Variants in SIGLEC6 observed in about 807,000 individuals in gnomAD.
SIGLEC6 encodes the protein sialic acid binding Ig like lectin 6, also known as sialic acid-binding Ig-like lectin 6.
A neutral mutation model predicts 41.4 loss-of-function variants in SIGLEC6; 31 were observed. That is an observed-to-expected ratio of 0.75 (90% confidence interval 0.56 to 1.01). The LOEUF is 1.01. SIGLEC6 is among the 50% of genes least tolerant of loss of function. The probability of loss-of-function intolerance (pLI) is 0.00; values close to 1 mark genes in which losing one functional copy is unlikely to be tolerated. For missense variants in SIGLEC6, 555 were observed against 558.6 expected, an observed-to-expected ratio of 0.99 and a Z score of 0.06; for synonymous variants, 217 against 231.0, an observed-to-expected ratio of 0.94 and a Z score of 0.55.
At chr19:51,520,620 C>T (rs548924123) in intron 7 of SIGLEC6, among the ~76,000 whole-genome samples, 1 of 152,150 alleles carries the variant, frequency 6.6e-6, no homozygotes, top group African/African-American at 2.4e-5. Context: ...AAGGAATCCA[C>T]CCACCTTGGC....
Position 51,519,152 on chromosome 19 carries a change from G to A in SIGLEC6, c.*930C>T, listed in dbSNP as rs973329589. On this transcript the variant is annotated 3_prime_UTR_variant, in exon 8 of 8. Transcript: ENST00000425629. ...CTACTAAAAATACAAAAAATTAGCC[G>A]GGTGTGGTGGTGGGTGCCTGTAGTC... Among the ~76,000 whole-genome samples, 2 of 152,002 alleles carry A rather than the reference G, an allele frequency of 1.3e-5. No homozygotes were observed. Among genetic ancestry groups the A allele is most frequent in the East Asian group, 1.9e-4 (1 of 5,158 alleles).
chr19:51,530,280 C>T (rs1980036563), intron 4 of SIGLEC6, among the ~76,000 whole-genome samples, 157 bp downstream of exon 4: 1 of 152,192 alleles, frequency 6.6e-6, no homozygotes, highest in East Asian at 1.9e-4. Flanking sequence ...GTGGCAGCTC[C>T]TGCCGAAGAG....
Position 51,529,800 on chromosome 19 carries a change from T to C in SIGLEC6, c.936A>G (p.Ala312=), listed in dbSNP as rs1979903565. ...CACGGCAGGTGAAATCTCCTTCTTCTGCAGACCCTACTTGAGGCAGCTCCA... is the reference window on the plus strand; with the variant it reads ...CACGGCAGGTGAAATCTCCTTCTTCCGCAGACCCTACTTGAGGCAGCTCCA... The part of the protein sequence containing the change: ...GVLELPQVGS[A]EEGDFTCRAQ... Residue 312 remains alanine, a synonymous_variant, in exon 5 of 8, where the codon GCA becomes GCG. Transcript: ENST00000425629. The C allele has an allele frequency of 6.2e-7, 1 of 1,614,158 alleles. No individual in the cohort carries two copies. Among genetic ancestry groups the C allele is most frequent in the Admixed American group, 1.7e-5 (1 of 60,030 alleles).
intron 4 of SIGLEC6, 90 bp downstream of exon 4, chr19:51,530,347 G>T: frequency 1.7e-6 from 2 of 1,161,358 alleles, no homozygotes; most frequent in Non-Finnish European, 2.5e-6. Flanking sequence ...GTCTATGGAG[G>T]CCTTAGTCCT....
chr19:51,519,296 GAAAAAAAAAA>G lies in SIGLEC6; in HGVS notation c.*776_*785del, dbSNP rs10651662. ...GGAGATACAGCAAGACTCCATCTCA[GAAAAAAAAAA>G]AAAAAAAAAAAGCTAGCCAAAGCCA... On this transcript the variant is annotated 3_prime_UTR_variant, in exon 8 of 8. Transcript: ENST00000425629. Among the ~76,000 whole-genome samples the G allele has an allele frequency of 3.3e-3, 302 of 90,774 alleles. 3 individuals are homozygous for G. The highest frequency in any genetic ancestry group is 0.018 in the South Asian group (37 of 2,044). 59.6% of individuals were successfully genotyped at this position (90,774 alleles called of 152,430 possible). A position where few individuals can be genotyped will look rare whatever the true frequency, so the allele number is the denominator to read the frequency against.
chr19:51,518,403 A>C lies in SIGLEC6; in HGVS notation c.*1679T>G, dbSNP rs2122253856. Among the ~76,000 whole-genome samples the C allele has an allele frequency of 6.6e-6, 1 of 152,218 alleles. No homozygotes were observed. Among genetic ancestry groups the C allele is most frequent in the South Asian group, 2.1e-4 (1 of 4,826 alleles). On this transcript the variant is annotated 3_prime_UTR_variant, in exon 8 of 8. Coordinates refer to ENST00000425629, the MANE Select transcript of SIGLEC6 (RefSeq NM_001245.7). ...TGCCCAGGCTGGAGTGCAGTGATGC[A>C]ATCTCAGCTCACTTCAACCTCCACC...
In SIGLEC6 at chr19:51,530,488, G is replaced by A. The variant is rs2305772; in HGVS notation, c.707-4C>T. ...ATGGCCACTTTCTGTGGAGCATCTG[G>A]GGTGGAAAGAGGTGGCCGCCTCAAC... On this transcript the variant is annotated splice_region_variant and splice_polypyrimidine_tract_variant and intron_variant, in intron 3 of 7. Transcript: ENST00000425629. 0.59 allele frequency: 954,365 copies of A among 1,613,324 alleles called. 284,154 individuals are homozygous for A. Among genetic ancestry groups the A allele is most frequent in the Admixed American group, 0.7 (41,956 of 59,958 alleles).
At position 51,530,833 on chromosome 19, in the gene SIGLEC6, G is replaced by A; in HGVS notation, c.554C>T (p.Ala185Val). The change falls in exon 3 of 8, where the codon GCT becomes GTT. Residue 185 changes from alanine (A) to valine (V), a missense_variant. By Grantham distance (64) the Ala-to-Val change is moderately conservative. Transcript: ENST00000425629. ...GTPPIFSWMS[A>V]APTSLGPRTT... ...CCTGGGGCCCAGGGAGGTGGGGGCAGCTGACATCCAGGAGAAGATGGGGGG... is the reference window on the plus strand; with the variant it reads ...CCTGGGGCCCAGGGAGGTGGGGGCAACTGACATCCAGGAGAAGATGGGGGG... 6.2e-7 allele frequency: 1 copy of A among 1,614,048 alleles called. No homozygotes were observed. Among genetic ancestry groups the A allele is most frequent in the Non-Finnish European group, 8.5e-7 (1 of 1,179,998 alleles).
chr19:51,530,696 G>A lies in SIGLEC6; in HGVS notation c.691C>T (p.Gln231Ter). 6.2e-7 allele frequency: 1 copy of A among 1,613,778 alleles called. No individual in the cohort carries two copies. The highest frequency in any genetic ancestry group is 1.3e-5 in the African/African-American group (1 of 74,970). The change falls in exon 3 of 8, where the codon CAG (glutamine) becomes TAG (stop). Residue 231 changes from glutamine (Q) to a stop codon, truncating the protein, a stop_gained. Coordinates refer to ENST00000425629, the MANE Select transcript of SIGLEC6 (RefSeq NM_001245.7). LOFTEE classifies it high-confidence loss of function. Reference sequence around the variant, plus strand: ...CAGCACTCACAGGAGACATTGAGCTGGATGGTTCTCTCCATGGTCACACCG... The same window carrying A: ...CAGCACTCACAGGAGACATTGAGCTAGATGGTTCTCTCCATGGTCACACCG... Reference protein sequence around the residue: ...GAGVTMERTIQLNVSYAPQKV... With the variant: ...GAGVTMERTI
Position 51,531,566 on chromosome 19 carries a change from C to T in SIGLEC6, c.67+16G>A, listed in dbSNP as rs753134234. Reference sequence around the variant, plus strand: ...CTCGGCCCAGCCCCACGGCACCTCTCCCCTGGCCCACTCACCTGCCCACAG... The same window carrying T: ...CTCGGCCCAGCCCCACGGCACCTCTTCCCTGGCCCACTCACCTGCCCACAG... On this transcript the variant is annotated intron_variant, in intron 1 of 7. Coordinates refer to ENST00000425629, the MANE Select transcript of SIGLEC6 (RefSeq NM_001245.7). The T allele has an allele frequency of 3.7e-6, 6 of 1,613,976 alleles. No homozygotes were observed. The Admixed American group carries it at 5.0e-5, about 13-fold the overall frequency.
At chr19:51,523,824 T>A (rs1568546510) in intron 7 of SIGLEC6, among the ~76,000 whole-genome samples, 1 of 152,098 alleles carries the variant, frequency 6.6e-6, no homozygotes, top group Non-Finnish European at 1.5e-5. Context: ...ATGGAGACCA[T>A]CCTGGCTAAC....
intron 7 of SIGLEC6, among the ~76,000 whole-genome samples, chr19:51,522,912 T>C (rs1184290364): frequency 2.7e-5 from 4 of 149,646 alleles, no homozygotes; most frequent in Admixed American, 2.7e-4. Context: ...GAGGCAGGAG[T>C]ACTGCTTGAG....
intron 7 of SIGLEC6, among the ~76,000 whole-genome samples, chr19:51,522,092 C>T (rs1978372030): frequency 6.6e-6 from 1 of 152,204 alleles, no homozygotes; most frequent in Admixed American, 6.5e-5. Flanking sequence ...GCATAGAGGT[C>T]CCCTTGAATC....
rs575120026 is a variant in SIGLEC6, at chr19:51,518,102, G to A, written c.*1980C>T. 1.3e-5 allele frequency among the ~76,000 whole-genome samples: 2 copies of A among 152,142 alleles called. No individual in the cohort carries two copies. The highest frequency in any genetic ancestry group is 3.9e-4 in the East Asian group (2 of 5,178). On this transcript the variant is annotated 3_prime_UTR_variant, in exon 8 of 8. Coordinates refer to ENST00000425629, the MANE Select transcript of SIGLEC6 (RefSeq NM_001245.7). ...CACTTTCCTAATACCTGAATTATAT[G>A]TTTTAGAATTTATTTGAGAAATCTT...
intron 7 of SIGLEC6, among the ~76,000 whole-genome samples, chr19:51,521,993 T>C (rs2124910): frequency 0.59 from 89,094 of 152,032 alleles, 26,395 homozygotes; most frequent in Admixed American, 0.66. Flanking sequence ...AGGCAGCAAC[T>C]GCAGTTCAAG....
chr19:51,523,716 G>T (rs1447563987), intron 7 of SIGLEC6, among the ~76,000 whole-genome samples: 1 of 152,164 alleles, frequency 6.6e-6, no homozygotes, highest in Non-Finnish European at 1.5e-5. Context: ...CTCAAGAAGG[G>T]TTACAGATTA....
Position 51,518,979 on chromosome 19 carries a change from G to T in SIGLEC6, c.*1103C>A, listed in dbSNP as rs1462784640. Among the ~76,000 whole-genome samples, 1 of 152,082 alleles carries T rather than the reference G, an allele frequency of 6.6e-6. No homozygotes were observed. Among genetic ancestry groups the T allele is most frequent in the Non-Finnish European group, 1.5e-5 (1 of 68,008 alleles). ...CTCCTTTTCAGCCTTAGAAGAAATT[G>T]CCAGCAGAAACCGTCTGTTAAAACA... On this transcript the variant is annotated 3_prime_UTR_variant, in exon 8 of 8. Coordinates refer to ENST00000425629, the MANE Select transcript of SIGLEC6 (RefSeq NM_001245.7).
Position 51,524,253 on chromosome 19 carries a change from A to G in SIGLEC6, c.1188+3494T>C, listed in dbSNP as rs767828652. Reference sequence around the variant, plus strand: ...GATATCTGTAAGACAGACACAATACATATGAAGGCACACATGTGTTAAAAG... The same window carrying G: ...GATATCTGTAAGACAGACACAATACGTATGAAGGCACACATGTGTTAAAAG... On this transcript the variant is annotated intron_variant, in intron 7 of 7. Coordinates refer to ENST00000425629, the MANE Select transcript of SIGLEC6 (RefSeq NM_001245.7). 6.8e-4 allele frequency among the ~76,000 whole-genome samples: 104 copies of G among 152,358 alleles called. No homozygotes were observed. In the Middle Eastern group the frequency reaches 0.014, roughly 20 times the overall value.
chr19:51,521,727 G>A (rs1220976030), intron 7 of SIGLEC6, among the ~76,000 whole-genome samples: 2 of 152,094 alleles, frequency 1.3e-5, no homozygotes, highest in Non-Finnish European at 2.9e-5. Context: ...CTGAACAACA[G>A]GAATCATGAC....
Sources: gnomAD v4.1 joint callset for allele counts (sites outside exome capture counted in the v4.1 genomes callset) on GRCh38, gnomAD v4.1.1 for gene constraint, MANE v1.5 for transcripts, NCBI Gene and HGNC (gene_info 2026-07-23, HGNC 2026-07-21) for gene names.